BRF1: variants seen among roughly 807,000 people sequenced by gnomAD.
BRF1 encodes BRF1 general transcription factor IIIB subunit.
In BRF1, 59 loss-of-function variants were observed where a neutral mutation model predicts 81.7. The ratio of observed to expected loss-of-function variants is 0.72; its 90% CI spans 0.59 to 0.90. The LOEUF is 0.90. BRF1 is among the 40% of genes least tolerant of loss of function. BRF1 has a pLI of 0.00. For synonymous variants in BRF1, 491 were observed against 395.6 expected, an observed-to-expected ratio of 1.24 and a Z score of -2.86; for missense variants, 1,050 against 936.3, an observed-to-expected ratio of 1.12 and a Z score of -1.58.
At chr14:105,221,204 A>AG (rs1022233901) in intron 11 of BRF1, among the ~76,000 whole-genome samples, 13 of 152,062 alleles carry the variant, frequency 8.5e-5, no homozygotes, top group South Asian at 4.1e-4. Context: ...GGGCAAGGTG[A>AG]GGGGGGGCAA....
chr14:105,241,139 G>A (rs1019373824), intron 6 of BRF1, 126 bp downstream of exon 6: 25 of 1,456,024 alleles, frequency 1.7e-5, no homozygotes, highest in African/African-American at 7.0e-5. Context: ...AGTCAGCCCC[G>A]GGAGGCTGGA....
At chr14:105,252,361 G>A (rs2055663466) in intron 5 of BRF1, 146 bp downstream of exon 5, 3 of 1,416,324 alleles carry the variant, frequency 2.1e-6, no homozygotes, top group East Asian at 2.6e-5. Context: ...CCACATTACT[G>A]AGCTCCTAGC....
rs776134188 is a variant in BRF1, at chr14:105,221,741, G to C, written c.1222C>G (p.Leu408Val). The C allele has an allele frequency of 8.1e-6, 13 of 1,610,436 alleles. No individual in the cohort carries two copies. Among genetic ancestry groups the C allele is most frequent in the Non-Finnish European group, 1.1e-5 (13 of 1,179,526 alleles). ...GGGAGGGGGTCCAGCAGGGACCCCAGGGCCGGAGGTCTGCCGCCCCACTCG... is the reference window on the plus strand; with the variant it reads ...GGGAGGGGGTCCAGCAGGGACCCCACGGCCGGAGGTCTGCCGCCCCACTCG... ...SPEWGGRPPALGSLLDPLPTA... is the reference protein window; with the variant it reads ...SPEWGGRPPAVGSLLDPLPTA... The change falls in exon 11 of 18, where the codon CTG (leucine) becomes GTG (valine). Residue 408 changes from leucine to valine, a missense_variant. By Grantham distance (32) the Leu-to-Val change is conservative. Coordinates refer to ENST00000547530, the MANE Select transcript of BRF1 (RefSeq NM_001519.4).
rs587638746 is a variant in BRF1, at chr14:105,294,687, G to A, written c.184+5759C>T. Among the ~76,000 whole-genome samples, 16 of 152,124 alleles carry A rather than the reference G, an allele frequency of 1.1e-4. No individual in the cohort carries two copies. In the East Asian group the frequency reaches 1.7e-3, roughly 17 times the overall value. On this transcript the variant is annotated intron_variant, in intron 1 of 17. Coordinates refer to ENST00000547530, the MANE Select transcript of BRF1 (RefSeq NM_001519.4). ...AGTTCTTAGAAAAGATCAAAAACAC[G>A]GATCAACTTCTAGCAAGAGAGACAA...
intron 15 of BRF1, among the ~76,000 whole-genome samples, chr14:105,215,863 CAT>C (rs1339633757): frequency 1.3e-5 from 2 of 150,190 alleles, no homozygotes; most frequent in Non-Finnish European, 3.0e-5. Context: ...CACACACACA[CAT>C]GCACACACAC....
intron 1 of BRF1, among the ~76,000 whole-genome samples, chr14:105,312,967 C>T (rs587685200): frequency 3.3e-5 from 5 of 152,288 alleles, no homozygotes; most frequent in East Asian, 1.9e-4. Flanking sequence ...CCTCACAGGC[C>T]GCCATCTCCT....
chr14:105,270,791 GA>G (rs78282645), intron 3 of BRF1, among the ~76,000 whole-genome samples: 540 of 136,906 alleles, frequency 3.9e-3, no homozygotes, highest in African/African-American at 5.9e-3. Flanking sequence ...ACCCTGTCTG[GA>G]AAAAAAAAAA....
intron 7 of BRF1, 78 bp downstream of exon 7, chr14:105,228,742 C>T (rs1050718226): frequency 2.6e-6 from 4 of 1,536,058 alleles, no homozygotes; most frequent in South Asian, 1.1e-5. Flanking sequence ...GGAGGTGGCG[C>T]CTGCTCTGGC....
intron 5 of BRF1, 97 bp from the exon 6 acceptor site, chr14:105,241,511 C>A: frequency 1.3e-6 from 2 of 1,496,204 alleles, no homozygotes; most frequent in Admixed American, 1.8e-5. Flanking sequence ...CTGCACTTGT[C>A]TTTCCAGGCC....
chr14:105,221,219 G>A (rs1892229862), intron 11 of BRF1, among the ~76,000 whole-genome samples: 1 of 152,204 alleles, frequency 6.6e-6, no homozygotes, highest in Non-Finnish European at 1.5e-5. Flanking sequence ...GGGCAAGATG[G>A]GCACGGTGGC....
chr14:105,253,276 G>A (rs749149456), intron 4 of BRF1, among the ~76,000 whole-genome samples: 34 of 152,226 alleles, frequency 2.2e-4, no homozygotes, highest in Non-Finnish European at 4.1e-4. Context: ...GGCTGGGGGA[G>A]GACACTTCAG....
intron 6 of BRF1, among the ~76,000 whole-genome samples, chr14:105,229,657 GC>G (rs2054416143): frequency 6.7e-6 from 1 of 148,904 alleles, no homozygotes; most frequent in East Asian, 2.0e-4. Flanking sequence ...GGACAGCCTG[GC>G]AGCCCCGTGG....
chr14:105,301,294 G>C (rs1040677310), upstream of BRF1: 1 of 146,542 alleles, frequency 6.8e-6, no homozygotes, highest in African/African-American at 2.5e-5. Context: ...CTGGGGTGAG[G>C]ACTCAGCCGG....
chr14:105,221,440 C>T (rs1481720579), intron 11 of BRF1, among the ~76,000 whole-genome samples: 1 of 152,204 alleles, frequency 6.6e-6, no homozygotes, highest in East Asian at 1.9e-4. Context: ...ATTCTGGCGT[C>T]GGCACACACC....
rs1034049513 is a variant in BRF1 at position 105,311,887 on chromosome 14, C to T, written c.-162+3435G>A. ...TGTGCTCCAACCATGGGAGTGGATGCGGCAGGGCCTGTCTAGGGGTTCGGC... is the reference window on the plus strand; with the variant it reads ...TGTGCTCCAACCATGGGAGTGGATGTGGCAGGGCCTGTCTAGGGGTTCGGC... On this transcript the variant is annotated intron_variant, in intron 1 of 17. Coordinates refer to the BRF1 transcript ENST00000327359. 2.8e-4 allele frequency among the ~76,000 whole-genome samples: 42 copies of T among 152,342 alleles called. 2 individuals are homozygous for T. The highest frequency in any genetic ancestry group is 2.3e-3 in the East Asian group (12 of 5,184).
intron 5 of BRF1, chr14:105,249,721 A>G (rs1388011600): frequency 6.2e-7 from 1 of 1,613,756 alleles, no homozygotes; most frequent in African/African-American, 1.3e-5. Flanking sequence ...ACATCGTCCC[A>G]GCATTGGCAA....
At chr14:105,214,768 G>A (rs1236325652) in intron 15 of BRF1, among the ~76,000 whole-genome samples, 3 of 152,186 alleles carry the variant, frequency 2.0e-5, no homozygotes, top group Non-Finnish European at 4.4e-5. Flanking sequence ...CGCTGTGGTC[G>A]CTGGGCTGAG....
intron 1 of BRF1, among the ~76,000 whole-genome samples, chr14:105,311,738 A>G (rs1184769841): frequency 2.0e-5 from 3 of 152,202 alleles, no homozygotes; most frequent in African/African-American, 7.2e-5. Flanking sequence ...CTGCGGGTGC[A>G]GCGATCTCAG....
Position 105,219,041 on chromosome 14 carries a change from C to A in BRF1, c.1472G>T (p.Arg491Ile). The A allele has an allele frequency of 6.2e-7, 1 of 1,613,906 alleles. No individual in the cohort carries two copies. Among genetic ancestry groups the A allele is most frequent in the Non-Finnish European group, 8.5e-7 (1 of 1,180,012 alleles). The change falls in exon 14 of 18, where the codon AGA (arginine) becomes ATA (isoleucine). Residue 491 changes from arginine to isoleucine, a missense_variant. By Grantham distance (97) the Arg-to-Ile change is moderately conservative (BLOSUM62 -3). Around this residue, in one of 2 missense-constraint regions of BRF1, gnomAD observed 1,043 missense variants for 915.4 expected, o/e 1.14. Coordinates refer to ENST00000547530, the MANE Select transcript of BRF1 (RefSeq NM_001519.4). ...GCCGAGCTCCTTCTCTTTCGCTATT[C>A]TTGCTTCTTTTTCTAAAAGTTCAGA... is the stretch of plus-strand genomic sequence containing the variant. ...YLREQREKEA[R>I]IAKEKELGIY...
Sources: allele counts gnomAD v4.1 joint callset (sites outside exome capture counted in the v4.1 genomes callset), GRCh38; gene constraint gnomAD v4.1.1; regional missense constraint gnomAD v4.1.1; transcripts MANE v1.5; gene names NCBI Gene and HGNC (gene_info 2026-07-23, HGNC 2026-07-21).